The following EYS variants were observed in gnomAD, a reference collection of about 807,000 sequenced individuals.
EYS encodes protein eyes shut homolog.
In EYS, 250 loss-of-function variants were observed where a neutral mutation model predicts 282.1. The ratio of observed to expected loss-of-function variants is 0.89; its 90% CI spans 0.80 to 0.98. EYS has a LOEUF of 0.98. Ranked by LOEUF, EYS falls within the 50% of genes least tolerant of loss-of-function variation. The probability of loss-of-function intolerance (pLI) is 0.00; values close to 1 mark genes in which losing one functional copy is unlikely to be tolerated. For synonymous variants in EYS, 1,355 were observed against 1,282.9 expected, an observed-to-expected ratio of 1.06 and a Z score of -1.20; for missense variants, 4,016 against 3,709.0, an observed-to-expected ratio of 1.08 and a Z score of -2.15.
chr6:64,028,883 T>G (rs922168758), intron 33 of EYS, among the ~76,000 whole-genome samples: 5 of 152,192 alleles, frequency 3.3e-5, no homozygotes, highest in Admixed American at 6.5e-5. Context: ...GCCTACAGCA[T>G]GTCAAATATC....
chr6:64,597,907 C>G (rs1562084244), intron 24 of EYS, among the ~76,000 whole-genome samples: 2 of 151,892 alleles, frequency 1.3e-5, no homozygotes, highest in African/African-American at 4.8e-5. Context: ...GTTCACAACA[C>G]AAAAAAGATA....
In EYS at chr6:64,081,851, C is replaced by T. The variant is rs991580368; in HGVS notation, c.6571+5G>A. On this transcript the variant is annotated splice_donor_5th_base_variant and intron_variant, in intron 32 of 42. Coordinates refer to ENST00000503581, the MANE Select transcript of EYS (RefSeq NM_001142800.2). Reference sequence around the variant, plus strand: ...CATACAAGAAGTCAAACATTTAATACTCACTGTAAAGAATAGTTCCATTTA... The same window carrying T: ...CATACAAGAAGTCAAACATTTAATATTCACTGTAAAGAATAGTTCCATTTA... 1.9e-5 allele frequency: 29 copies of T among 1,503,176 alleles called. No homozygotes were observed. Among genetic ancestry groups the T allele is most frequent in the African/African-American group, 5.6e-5 (4 of 71,366 alleles). 93.1% of individuals were successfully genotyped at this position (1,503,176 alleles called of 1,614,324 possible).
intron 31 of EYS, among the ~76,000 whole-genome samples, chr6:64,183,657 TTTTAAA>T (rs1385057736): frequency 2.6e-5 from 4 of 152,280 alleles, no homozygotes; most frequent in African/African-American, 9.6e-5. Context: ...TATTTAAAAC[TTTTAAA>T]TGTAAAAGCT....
intron 33 of EYS, among the ~76,000 whole-genome samples, chr6:64,014,788 T>A (rs867213901): frequency 7.2e-5 from 11 of 152,056 alleles, no homozygotes; most frequent in African/African-American, 2.2e-4. Context: ...TATTTTTTTT[T>A]TTTTTGGTTT....
At chr6:65,067,157 C>A (rs1773769805) in intron 12 of EYS, among the ~76,000 whole-genome samples, 1 of 152,052 alleles carries the variant, frequency 6.6e-6, no homozygotes, top group Admixed American at 6.5e-5. Flanking sequence ...CCCAAAGGGA[C>A]AAAGAGACAT....
At chr6:64,989,832 A>T (rs369984295) in intron 14 of EYS, among the ~76,000 whole-genome samples, 1 of 139,502 alleles carries the variant, frequency 7.2e-6, no homozygotes, top group Non-Finnish European at 1.6e-5. Context: ...ACACACACAC[A>T]CTCACACACA....
At chr6:65,318,351 T>C (rs1007537378) in intron 11 of EYS, among the ~76,000 whole-genome samples, 3 of 151,472 alleles carry the variant, frequency 2.0e-5, no homozygotes, top group Non-Finnish European at 4.4e-5. Context: ...AATTATACTC[T>C]TTCAAAGTCT....
At chr6:65,166,530 A>C (rs1167002971) in intron 12 of EYS, among the ~76,000 whole-genome samples, 1 of 151,160 alleles carries the variant, frequency 6.6e-6, no homozygotes, top group Non-Finnish European at 1.5e-5. Flanking sequence ...CAAAATACTA[A>C]AGTTGGACCC....
chr6:64,447,204 T>C (rs1231721675), intron 26 of EYS, among the ~76,000 whole-genome samples: 1 of 151,510 alleles, frequency 6.6e-6, no homozygotes, highest in East Asian at 1.9e-4. Context: ...CTTGTGTCTC[T>C]TTGTGTTATT....
intron 22 of EYS, among the ~76,000 whole-genome samples, chr6:64,766,648 AAATATATATATATATATATAT>A (rs1372368621): frequency 4.6e-5 from 3 of 64,634 alleles, no homozygotes; most frequent in African/African-American, 2.3e-4. Flanking sequence ...AAAAAAAAAA[AAATATATATATATATATATAT>A]ATATATATAT....
intron 30 of EYS, among the ~76,000 whole-genome samples, chr6:64,291,547 A>G (rs1408339345): frequency 6.6e-6 from 1 of 152,128 alleles, no homozygotes; most frequent in Non-Finnish European, 1.5e-5. Flanking sequence ...CAAAAATTTG[A>G]AAAAGACAGG....
chr6:65,627,888 C>T (rs140741089), intron 2 of EYS, among the ~76,000 whole-genome samples: 2,194 of 152,342 alleles, frequency 0.014, 40 homozygotes, highest in East Asian at 0.04. Flanking sequence ...TGCTCTACGG[C>T]GCCCAGTCCC....
At chr6:65,267,140 A>G (rs1325980631) in intron 12 of EYS, among the ~76,000 whole-genome samples, 1 of 151,722 alleles carries the variant, frequency 6.6e-6, no homozygotes, top group African/African-American at 2.4e-5. Context: ...GTGATCCTGA[A>G]GAGATTTGAA....
chr6:65,453,459 T>C (rs1405878417), intron 5 of EYS, among the ~76,000 whole-genome samples: 1 of 152,068 alleles, frequency 6.6e-6, no homozygotes, highest in Non-Finnish European at 1.5e-5. Flanking sequence ...ATATCTATGC[T>C]GCATAATGAC....
chr6:64,184,190 G>A (rs1051714534), intron 31 of EYS, among the ~76,000 whole-genome samples: 1 of 152,054 alleles, frequency 6.6e-6, no homozygotes, highest in Admixed American at 6.6e-5. Context: ...CCTGTCTCTT[G>A]TGTTAGAATA....
At chr6:65,398,956 C>T (rs1766389743) in intron 7 of EYS, among the ~76,000 whole-genome samples, 1 of 152,066 alleles carries the variant, frequency 6.6e-6, no homozygotes, top group Non-Finnish European at 1.5e-5. Context: ...ATTTCTGTTA[C>T]CTCACATCTA....
chr6:64,429,717 T>C (rs1221010245), intron 28 of EYS, among the ~76,000 whole-genome samples: 2 of 152,190 alleles, frequency 1.3e-5, no homozygotes, highest in Non-Finnish European at 2.9e-5. Context: ...AAGATCCTCT[T>C]TTCCCACGTT....
At chr6:65,211,768 C>T (rs1399729956) in intron 12 of EYS, among the ~76,000 whole-genome samples, 1 of 151,774 alleles carries the variant, frequency 6.6e-6, no homozygotes. Context: ...GCTATCCAAA[C>T]TTAGGATTAT....
At chr6:64,240,353 A>T (rs761196600) in intron 30 of EYS, among the ~76,000 whole-genome samples, 4 of 152,130 alleles carry the variant, frequency 2.6e-5, no homozygotes, top group Admixed American at 6.6e-5. Context: ...GCAATAGGCC[A>T]TTTTCATGAT....
Sources: gnomAD v4.1 joint callset for allele counts (sites outside exome capture counted in the v4.1 genomes callset) on GRCh38, gnomAD v4.1.1 for gene constraint, MANE v1.5 for transcripts, NCBI Gene and HGNC (gene_info 2026-07-23, HGNC 2026-07-21) for gene names.